Variants in PPM1H observed in about 807,000 individuals in gnomAD.
The protein encoded by PPM1H is protein phosphatase 1H.
In PPM1H, 27 loss-of-function variants were observed where a neutral mutation model predicts 54.9. That is an observed-to-expected ratio of 0.49 (90% confidence interval 0.36 to 0.68). PPM1H has a LOEUF of 0.68. PPM1H is among the 30% of genes least tolerant of loss of function. PPM1H has a pLI of 0.00. For synonymous variants in PPM1H, 305 were observed against 270.8 expected (o/e 1.13, Z -1.24); for missense variants, 596 against 667.8 (o/e 0.89, Z 1.19).
At chr12:62,793,691 G>A (rs967672561) in intron 3 of PPM1H, among the ~76,000 whole-genome samples, 3 of 133,382 alleles carry the variant, frequency 2.2e-5, no homozygotes, top group African/African-American at 8.6e-5. Flanking sequence ...GCCAAGCCAA[G>A]ATCGCGTCAT....
At chr12:62,662,081 G>A (rs1275837860) in intron 9 of PPM1H, among the ~76,000 whole-genome samples, 2 of 152,224 alleles carry the variant, frequency 1.3e-5, no homozygotes, top group East Asian at 3.9e-4. Context: ...AGCAGTTCTC[G>A]TGGACCCCAG....
chr12:62,916,128 C>T (rs1396252676), intron 1 of PPM1H, among the ~76,000 whole-genome samples: 2 of 152,120 alleles, frequency 1.3e-5, no homozygotes, highest in African/African-American at 4.8e-5. Context: ...AACTTGTGAG[C>T]CCCTTGAAAA....
At chr12:62,683,775 G>T (rs2076036514) in intron 8 of PPM1H, among the ~76,000 whole-genome samples, 3 of 152,182 alleles carry the variant, frequency 2.0e-5, no homozygotes, top group Admixed American at 2.0e-4. Flanking sequence ...CCAAAATGGG[G>T]CTAAAGGCAA....
In PPM1H at chr12:62,829,610, G is replaced by A. The variant is rs542908725; in HGVS notation, c.411+2504C>T. Among the ~76,000 whole-genome samples the A allele has an allele frequency of 2.2e-4, 33 of 152,322 alleles. No homozygotes were observed. The South Asian group carries it at 4.6e-3, about 21-fold the overall frequency. On this transcript the variant is annotated intron_variant, in intron 2 of 9. Coordinates refer to ENST00000228705, the MANE Select transcript of PPM1H (RefSeq NM_020700.2). ...AGACAGAAATGAAGCTGCTGTGGTC[G>A]GAGCAGGACTGGGGCACCAGGGTGT... is the stretch of plus-strand genomic sequence containing the variant.
chr12:62,666,607 A>G (rs2075918784), intron 9 of PPM1H, among the ~76,000 whole-genome samples: 1 of 152,242 alleles, frequency 6.6e-6, no homozygotes, highest in Non-Finnish European at 1.5e-5. Context: ...GAGGAAGTAA[A>G]AATGTGAGAA....
chr12:62,804,922 G>A (rs915122634), intron 2 of PPM1H, among the ~76,000 whole-genome samples: 5 of 151,902 alleles, frequency 3.3e-5, no homozygotes, highest in East Asian at 3.9e-4. Flanking sequence ...TGATCCGCCC[G>A]CCTCGGCCTC....
At position 62,819,130 on chromosome 12, in the gene PPM1H, CTTTTTTT is replaced by C. The variant is rs34661742; in HGVS notation, c.411+12977_411+12983del. Among the ~76,000 whole-genome samples the C allele has an allele frequency of 2.6e-5, 3 of 113,840 alleles. No individual in the cohort carries two copies. In the South Asian group the frequency reaches 8.3e-4, roughly 32 times the overall value. The allele number at this position is 113,840 out of a possible 152,430, so 74.7% of individuals were successfully genotyped here. On this transcript the variant is annotated intron_variant, in intron 2 of 9. Coordinates refer to ENST00000228705, the MANE Select transcript of PPM1H (RefSeq NM_020700.2). ...AGCCACTGCGCCGGCCAAAACATTG[CTTTTTTT>C]TTTTTTTTTTTGAGATGGAGTCTCA...
chr12:62,726,617 G>A (rs982971281), intron 5 of PPM1H, among the ~76,000 whole-genome samples: 40 of 152,194 alleles, frequency 2.6e-4, no homozygotes, highest in East Asian at 7.7e-4. Context: ...GCTCCAATGC[G>A]GGGATGTGGA....
At chr12:62,763,961 G>A (rs1197771140) in intron 4 of PPM1H, among the ~76,000 whole-genome samples, 1 of 152,184 alleles carries the variant, frequency 6.6e-6, no homozygotes, top group Non-Finnish European at 1.5e-5. Flanking sequence ...GATGCATTTT[G>A]TCTCCTCCAG....
intron 1 of PPM1H, among the ~76,000 whole-genome samples, chr12:62,928,784 G>C (rs889317017): frequency 1.5e-5 from 2 of 134,634 alleles, no homozygotes; most frequent in Admixed American, 7.8e-5. Flanking sequence ...GTTGAGTTTG[G>C]TTTAATGTCC....
chr12:62,908,422 A>AAAAAAAAAAAG (rs1284923713), intron 1 of PPM1H, among the ~76,000 whole-genome samples: 555 of 134,102 alleles, frequency 4.1e-3, no homozygotes, highest in Non-Finnish European at 7.4e-3. Context: ...AAAAAAAAAA[A>AAAAAAAAAAAG]AAAGAAAGAA....
chr12:62,708,137 G>A (rs1464271893), intron 6 of PPM1H, among the ~76,000 whole-genome samples: 1 of 152,244 alleles, frequency 6.6e-6, no homozygotes, highest in East Asian at 1.9e-4. Flanking sequence ...TTTGTTATCA[G>A]CCTTCCTGGC....
In PPM1H at chr12:62,933,123, TATG is replaced by T. The variant is rs1237329390; in HGVS notation, c.245+1366_245+1368del. Among the ~76,000 whole-genome samples, 6 of 152,262 alleles carry T rather than the reference TATG, an allele frequency of 3.9e-5. No homozygotes were observed. In the East Asian group the frequency reaches 1.2e-3, roughly 29 times the overall value. The stretch of plus-strand genomic sequence containing the variant: ...AACGTTCTCTTCCGTGCTCATCTTT[TATG>T]ATGTGTTAATTTTTACTGTCTGAGC... On this transcript the variant is annotated intron_variant, in intron 1 of 9. Transcript: ENST00000228705.
intron 1 of PPM1H, among the ~76,000 whole-genome samples, chr12:62,870,784 T>C (rs960740093): frequency 6.6e-6 from 1 of 152,130 alleles, no homozygotes; most frequent in African/African-American, 2.4e-5. Flanking sequence ...CAAAGAAACA[T>C]ACAAATGGCC....
intron 7 of PPM1H, among the ~76,000 whole-genome samples, chr12:62,691,395 C>T (rs1592545839): frequency 6.6e-6 from 1 of 152,322 alleles, no homozygotes; most frequent in African/African-American, 2.4e-5. Flanking sequence ...AATATATTGT[C>T]TTCATCTTCA....
At chr12:62,745,566 T>C (rs1475513649) in intron 4 of PPM1H, among the ~76,000 whole-genome samples, 1 of 152,188 alleles carries the variant, frequency 6.6e-6, no homozygotes, top group Non-Finnish European at 1.5e-5. Context: ...GAAGTTCTTC[T>C]ACTAGGTGGC....
intron 1 of PPM1H, among the ~76,000 whole-genome samples, chr12:62,909,282 C>T (rs1436921214): frequency 6.6e-6 from 1 of 152,194 alleles, no homozygotes; most frequent in Non-Finnish European, 1.5e-5. Context: ...TTTGCCCCTG[C>T]TAGCTACAAT....
chr12:62,707,592 T>A (rs1229643375), intron 6 of PPM1H, among the ~76,000 whole-genome samples: 1 of 152,164 alleles, frequency 6.6e-6, no homozygotes, highest in African/African-American at 2.4e-5. Context: ...AAATGCAGAA[T>A]CCATAGAGAT....
In PPM1H at chr12:62,871,804, C is replaced by T. The variant is rs1177662005; in HGVS notation, c.246-39525G>A. 3.3e-5 allele frequency among the ~76,000 whole-genome samples: 5 copies of T among 152,210 alleles called. No individual in the cohort carries two copies. The East Asian group carries it at 9.7e-4, about 29-fold the overall frequency. On this transcript the variant is annotated intron_variant, in intron 1 of 9. Coordinates refer to ENST00000228705, the MANE Select transcript of PPM1H (RefSeq NM_020700.2). Reference sequence around the variant, plus strand: ...GTGCTGAGATTACAGGTGTGAGCCACCATGCCTGGCCAAAATTGTATATCT... The same window carrying T: ...GTGCTGAGATTACAGGTGTGAGCCATCATGCCTGGCCAAAATTGTATATCT...
Sources: allele counts gnomAD v4.1 joint callset (sites outside exome capture counted in the v4.1 genomes callset), GRCh38; gene constraint gnomAD v4.1.1; transcripts MANE v1.5; gene names NCBI Gene and HGNC (gene_info 2026-07-23, HGNC 2026-07-21).